FBXW7: variants seen among roughly 807,000 people sequenced by gnomAD.
FBXW7 encodes the protein F-box/WD repeat-containing protein 7.
In FBXW7, 11 loss-of-function variants were observed where a neutral mutation model predicts 86.3. The observed-to-expected ratio is 0.13, with a 90% CI of 0.08 to 0.21. The LOEUF is 0.21. FBXW7 is among the 10% of genes least tolerant of loss of function. FBXW7 has a pLI of 1.00. For synonymous variants in FBXW7, 313 were observed against 297.9 expected (o/e 1.05, Z -0.52); for missense variants, 488 against 847.4 (o/e 0.58, Z 5.27).
intron 2 of FBXW7, among the ~76,000 whole-genome samples, chr4:152,524,764 T>C (rs1749348929): frequency 6.6e-6 from 1 of 152,156 alleles, no homozygotes; most frequent in African/African-American, 2.4e-5. Flanking sequence ...AAAAAGGAAA[T>C]TTTGTTTCCT....
intron 4 of FBXW7, among the ~76,000 whole-genome samples, chr4:152,410,238 A>G (rs1264837932): frequency 1.3e-5 from 2 of 152,170 alleles, no homozygotes; most frequent in African/African-American, 4.8e-5. Flanking sequence ...AAAAAAAGAG[A>G]TGTTAAAACT....
At chr4:152,499,888 G>A (rs1287288339) in intron 2 of FBXW7, among the ~76,000 whole-genome samples, 5 of 152,064 alleles carry the variant, frequency 3.3e-5, no homozygotes, top group Middle Eastern at 3.4e-3. Flanking sequence ...TAGACGTAGG[G>A]ATCCATGATC....
chr4:152,473,892 A>G (rs1744176114), intron 2 of FBXW7, among the ~76,000 whole-genome samples: 1 of 152,222 alleles, frequency 6.6e-6, no homozygotes, highest in Non-Finnish European at 1.5e-5. Flanking sequence ...AGAACAAAAA[A>G]GGAAAAAATC....
At chr4:152,525,922 A>G (rs1200788162) in intron 2 of FBXW7, among the ~76,000 whole-genome samples, 1 of 152,214 alleles carries the variant, frequency 6.6e-6, no homozygotes, top group Non-Finnish European at 1.5e-5. Flanking sequence ...ACTCCCACCA[A>G]CAGTATATAA....
chr4:152,390,260 C>T (rs1018126245), intron 4 of FBXW7, among the ~76,000 whole-genome samples: 1 of 151,542 alleles, frequency 6.6e-6, no homozygotes, highest in Non-Finnish European at 1.5e-5. Flanking sequence ...TTTCCTCATC[C>T]TTTCATTAAG....
intron 4 of FBXW7, among the ~76,000 whole-genome samples, chr4:152,403,046 G>A (rs1737084877): frequency 6.6e-6 from 1 of 152,108 alleles, no homozygotes; most frequent in South Asian, 2.1e-4. Context: ...GTCTGTCTTA[G>A]GAGACTTAAA....
intron 4 of FBXW7, among the ~76,000 whole-genome samples, chr4:152,366,924 C>T (rs1733541090): frequency 6.6e-6 from 1 of 152,140 alleles, no homozygotes; most frequent in African/African-American, 2.4e-5. Context: ...GGCAAATATA[C>T]ATCATGGAAT....
At chr4:152,446,542 A>C (rs1285988813) in intron 2 of FBXW7, among the ~76,000 whole-genome samples, 1 of 152,224 alleles carries the variant, frequency 6.6e-6, no homozygotes, top group East Asian at 1.9e-4. Context: ...CAAGGTTATC[A>C]AATAGATTAA....
intron 13 of FBXW7, 77 bp from the exon 14 acceptor site, chr4:152,323,226 T>C (rs899357276): frequency 6.8e-7 from 1 of 1,460,084 alleles, no homozygotes; most frequent in African/African-American, 1.4e-5. Flanking sequence ...ATTTGTAGAC[T>C]TCTACTTTAG....
In FBXW7 at chr4:152,411,407, T is replaced by G; in HGVS notation, c.397A>C (p.Arg133=). 1 of 1,613,712 alleles carries G rather than the reference T, an allele frequency of 6.2e-7. No homozygotes were observed. Among genetic ancestry groups the G allele is most frequent in the Non-Finnish European group, 8.5e-7 (1 of 1,179,898 alleles). ...TTAGTATGTGTATGTTCATCTTCTC[T>G]GCTACTATCATCAGACTGATCAAAA... ...DDFDQSDDSS[R]EDEHTHTNSV... Residue 133 remains arginine, a synonymous_variant, in exon 4 of 14, where the codon AGA becomes CGA. Transcript: ENST00000281708.
intron 10 of FBXW7, 84 bp downstream of exon 10, chr4:152,329,588 T>G: frequency 1.6e-6 from 1 of 625,058 alleles, no homozygotes; most frequent in Non-Finnish European, 2.7e-6. Context: ...CAAAAATGAA[T>G]TATTGTTTTC....
chr4:152,449,098 T>C (rs1218023071), intron 2 of FBXW7, among the ~76,000 whole-genome samples: 2 of 152,214 alleles, frequency 1.3e-5, no homozygotes, highest in Non-Finnish European at 2.9e-5. Context: ...CTGCATTGCT[T>C]TGAGAAACAA....
intron 4 of FBXW7, among the ~76,000 whole-genome samples, chr4:152,398,367 T>C (rs1226182797): frequency 2.6e-5 from 4 of 151,960 alleles, no homozygotes; most frequent in African/African-American, 9.7e-5. Flanking sequence ...AAATTTTCTA[T>C]GTATGCTAAA....
At chr4:152,442,249 G>A (rs1419233023) in intron 2 of FBXW7, among the ~76,000 whole-genome samples, 1 of 152,144 alleles carries the variant, frequency 6.6e-6, no homozygotes, top group Non-Finnish European at 1.5e-5. Context: ...ACAATCTACA[G>A]TGGTGGTTCT....
Position 152,346,860 on chromosome 4 carries a change from A to G in FBXW7, c.726+70T>C, listed in dbSNP as rs1731313436. 1.9e-6 allele frequency: 3 copies of G among 1,578,476 alleles called. No homozygotes were observed. The South Asian group carries it at 3.5e-5, about 18-fold the overall frequency. The stretch of plus-strand genomic sequence containing the variant: ...TGTAACAGTGTTTCCTTCTTTTTTT[A>G]CGGATGAATAATCCCTTATTTTGCA... On this transcript the variant is annotated intron_variant, in intron 6 of 13. Transcript: ENST00000281708.
chr4:152,516,762 G>T (rs747216087), intron 2 of FBXW7, among the ~76,000 whole-genome samples: 25 of 152,182 alleles, frequency 1.6e-4, no homozygotes, highest in Non-Finnish European at 3.4e-4. Flanking sequence ...TAACTTCTAA[G>T]AATTTATTTC....
At chr4:152,513,723 T>C (rs1748201997) in intron 2 of FBXW7, among the ~76,000 whole-genome samples, 1 of 152,234 alleles carries the variant, frequency 6.6e-6, no homozygotes, top group Non-Finnish European at 1.5e-5. Flanking sequence ...TGTATAAAAA[T>C]GTACTTACCT....
At chr4:152,435,736 T>C (rs766175565) in intron 2 of FBXW7, among the ~76,000 whole-genome samples, 3 of 152,242 alleles carry the variant, frequency 2.0e-5, no homozygotes, top group East Asian at 3.8e-4. Flanking sequence ...ACAAATAGTA[T>C]ATTTTTTTAA....
chr4:152,332,968 C>A (rs1729702783), intron 7 of FBXW7, among the ~76,000 whole-genome samples: 1 of 151,996 alleles, frequency 6.6e-6, no homozygotes, highest in African/African-American at 2.4e-5. Flanking sequence ...ACTTATTAAA[C>A]CTCTCTGTCT....
Sources: allele counts gnomAD v4.1 joint callset (sites outside exome capture counted in the v4.1 genomes callset), GRCh38; gene constraint gnomAD v4.1.1; transcripts MANE v1.5; gene names NCBI Gene and HGNC (gene_info 2026-07-23, HGNC 2026-07-21).